The following CTNNA3 variants were observed in gnomAD, a reference collection of about 807,000 sequenced individuals.
The protein encoded by CTNNA3 is catenin alpha 3, also known as catenin alpha-3.
Under a neutral mutation model 95.7 loss-of-function variants are expected in CTNNA3, and 76 were observed. The observed-to-expected ratio is 0.79, with a 90% confidence interval of 0.66 to 0.96. The LOEUF is 0.96. Among genes scored for constraint, CTNNA3 ranks in the 40% least tolerant of loss-of-function variants. The pLI, the probability that CTNNA3 is intolerant of heterozygous loss-of-function variation, is 0.00. For missense variants in CTNNA3, 1,191 were observed against 1,089.8 expected (o/e 1.09, Z -1.31); for synonymous variants, 431 against 374.4 (o/e 1.15, Z -1.74).
chr10:67,552,525 G>A (rs1841069210), intron 3 of CTNNA3, among the ~76,000 whole-genome samples: 1 of 151,794 alleles, frequency 6.6e-6, no homozygotes, highest in South Asian at 2.1e-4. Flanking sequence ...AGTCTCGGGG[G>A]TTTTTATAGG....
intron 1 of CTNNA3, among the ~76,000 whole-genome samples, chr10:67,679,407 C>T (rs1432307842): frequency 6.6e-6 from 1 of 152,142 alleles, no homozygotes; most frequent in African/African-American, 2.4e-5. Context: ...AAAACATGCA[C>T]ATATTATCAC....
intron 5 of CTNNA3, among the ~76,000 whole-genome samples, chr10:67,231,713 G>A (rs923848433): frequency 2.6e-5 from 4 of 151,982 alleles, no homozygotes; most frequent in East Asian, 2.0e-4. Context: ...AACTTACTCC[G>A]AGCTACAGGA....
intron 5 of CTNNA3, among the ~76,000 whole-genome samples, chr10:67,258,063 T>C (rs1184724153): frequency 6.6e-6 from 1 of 152,200 alleles, no homozygotes; most frequent in Non-Finnish European, 1.5e-5. Flanking sequence ...GGATAAGTCC[T>C]TTCCTTGTTC....
In CTNNA3 at chr10:66,072,695, GT is replaced by G. The variant is rs547499260; in HGVS notation, c.1978-3207del. On this transcript the variant is annotated intron_variant, in intron 14 of 17. Coordinates refer to ENST00000433211, the MANE Select transcript of CTNNA3 (RefSeq NM_013266.4). Reference sequence around the variant, plus strand: ...CCTGACCTCGTGATCCACTCTCTTGGTTTTTGCCTTCCCCTTACATCCAACT... The same window carrying G: ...CCTGACCTCGTGATCCACTCTCTTGGTTTTGCCTTCCCCTTACATCCAACT... Among the ~76,000 whole-genome samples the G allele has an allele frequency of 2.6e-3, 390 of 152,036 alleles. 6 individuals carry two copies. Among genetic ancestry groups the G allele is most frequent in the African/African-American group, 9.1e-3 (377 of 41,486 alleles).
At chr10:66,753,192 T>C (rs1358872143) in intron 9 of CTNNA3, among the ~76,000 whole-genome samples, 1 of 152,162 alleles carries the variant, frequency 6.6e-6, no homozygotes, top group Non-Finnish European at 1.5e-5. Context: ...CATTTGTAAG[T>C]TCTCCCAATA....
intron 14 of CTNNA3, among the ~76,000 whole-genome samples, chr10:66,100,418 A>T (rs983687346): frequency 6.6e-6 from 1 of 152,168 alleles, no homozygotes; most frequent in African/African-American, 2.4e-5. Flanking sequence ...ATTATTTGGG[A>T]TTTATGCAGA....
At chr10:66,733,804 T>A (rs1463384515) in intron 9 of CTNNA3, among the ~76,000 whole-genome samples, 1 of 151,722 alleles carries the variant, frequency 6.6e-6, no homozygotes, top group Non-Finnish European at 1.5e-5. Context: ...GTTGTTAAAT[T>A]TTTTTGCCTA....
intron 6 of CTNNA3, among the ~76,000 whole-genome samples, chr10:67,197,624 C>T (rs1193551765): frequency 6.6e-6 from 1 of 152,028 alleles, no homozygotes. Flanking sequence ...CTGAGGTCTT[C>T]CCCATATTCT....
At chr10:66,995,719 C>T (rs1192025869) in intron 7 of CTNNA3, among the ~76,000 whole-genome samples, 1 of 152,172 alleles carries the variant, frequency 6.6e-6, no homozygotes, top group Non-Finnish European at 1.5e-5. Flanking sequence ...TTTGCTTACA[C>T]TGCTCCTTCT....
rs114371231 is a variant in CTNNA3 at position 66,041,228 on chromosome 10, C to T, written c.2159+28080G>A. 8.1e-3 allele frequency among the ~76,000 whole-genome samples: 1,240 copies of T among 152,216 alleles called. 13 individuals are homozygous for T. The highest frequency in any genetic ancestry group is 0.028 in the African/African-American group (1,180 of 41,524). On this transcript the variant is annotated intron_variant, in intron 15 of 17. Transcript: ENST00000433211. Reference sequence around the variant, plus strand: ...TTCTGCAATATAACTGACTAGTATTCTTTAAAAGTGGCAAGGTCATGAAAG... The same window carrying T: ...TTCTGCAATATAACTGACTAGTATTTTTTAAAAGTGGCAAGGTCATGAAAG...
At chr10:66,094,028 CA>C (rs1249963453) in intron 14 of CTNNA3, among the ~76,000 whole-genome samples, 1 of 151,966 alleles carries the variant, frequency 6.6e-6, no homozygotes, top group East Asian at 1.9e-4. Flanking sequence ...GGAAATTATA[CA>C]GACACAATGA....
At chr10:66,486,121 G>C (rs542733122) in intron 11 of CTNNA3, among the ~76,000 whole-genome samples, 1 of 152,220 alleles carries the variant, frequency 6.6e-6, no homozygotes, top group Non-Finnish European at 1.5e-5. Context: ...TAACACAGGA[G>C]AAAGCTCTAT....
At chr10:66,112,170 C>A (rs577973974) in intron 13 of CTNNA3, among the ~76,000 whole-genome samples, 1 of 152,206 alleles carries the variant, frequency 6.6e-6, no homozygotes, top group Non-Finnish European at 1.5e-5. Context: ...CCTGAATACA[C>A]ATATCTTTCT....
intron 11 of CTNNA3, among the ~76,000 whole-genome samples, chr10:66,496,362 T>C (rs1258790209): frequency 1.3e-5 from 2 of 152,188 alleles, no homozygotes; most frequent in Non-Finnish European, 2.9e-5. Flanking sequence ...ACGATATATC[T>C]ACATAAAGTG....
chr10:67,302,811 G>A (rs1840379734), intron 5 of CTNNA3, among the ~76,000 whole-genome samples: 1 of 152,150 alleles, frequency 6.6e-6, no homozygotes, highest in South Asian at 2.1e-4. Context: ...TTGGTAAAGT[G>A]GGAAAGAGTA....
chr10:66,502,206 T>G (rs949620309), intron 11 of CTNNA3, among the ~76,000 whole-genome samples: 2 of 152,074 alleles, frequency 1.3e-5, no homozygotes, highest in African/African-American at 4.8e-5. Flanking sequence ...TTACTGAGAT[T>G]CACAGTCAAG....
intron 1 of CTNNA3, among the ~76,000 whole-genome samples, chr10:67,695,029 T>G (rs1381711277): frequency 1.3e-5 from 2 of 152,174 alleles, no homozygotes. Flanking sequence ...GAAATTTTAA[T>G]AGCACACTCA....
intron 11 of CTNNA3, among the ~76,000 whole-genome samples, chr10:66,400,496 C>G (rs1374213883): frequency 6.6e-6 from 1 of 151,992 alleles, no homozygotes; most frequent in African/African-American, 2.4e-5. Context: ...TCGATATTGG[C>G]ATGTGTGAGA....
intron 7 of CTNNA3, among the ~76,000 whole-genome samples, chr10:67,130,859 T>C (rs1859966058): frequency 6.6e-6 from 1 of 152,078 alleles, no homozygotes; most frequent in South Asian, 2.1e-4. Flanking sequence ...ATACAGACAT[T>C]GGATACCCTT....
Sources: allele counts gnomAD v4.1 joint callset (sites outside exome capture counted in the v4.1 genomes callset), GRCh38; gene constraint gnomAD v4.1.1; transcripts MANE v1.5; gene names NCBI Gene and HGNC (gene_info 2026-07-23, HGNC 2026-07-21).